Variants in PIGL observed in about 807,000 individuals in gnomAD.
The protein encoded by PIGL is phosphatidylinositol glycan anchor biosynthesis class L.
Under a neutral mutation model 31.1 loss-of-function variants are expected in PIGL, and 22 were observed. That is an observed-to-expected ratio of 0.71 (90% confidence interval 0.51 to 1.01). The LOEUF (loss-of-function observed/expected upper bound fraction) is 1.01, where lower values mean the gene tolerates loss of function less well. PIGL is among the 50% of genes least tolerant of loss of function. The pLI is 0.00. For synonymous variants in PIGL, 131 were observed against 117.4 expected (o/e 1.12, Z -0.75); for missense variants, 302 against 315.9 (o/e 0.96, Z 0.33).
At chr17:16,315,708 C>CTTTTTTTTTTTTTTTTTTTTTTTTTT (rs1157169209) in intron 4 of PIGL, among the ~76,000 whole-genome samples, 6 of 58,990 alleles carry the variant, frequency 1.0e-4, no homozygotes, top group Non-Finnish European at 1.7e-4. Context: ...TTCTTTCTTT[C>CTTTTTTTTTTTTTTTTTTTTTTTTTT]TTTTTTTTTT....
In PIGL at chr17:16,326,152, T is replaced by C. The variant is rs144070256; in HGVS notation, c.*254T>C. The C allele has an allele frequency of 9.4e-3, 4,335 of 459,844 alleles. 41 individuals are homozygous for C. Among genetic ancestry groups the C allele is most frequent in the Non-Finnish European group, 0.013 (3,458 of 258,656 alleles). 28.5% of individuals were successfully genotyped at this position (459,844 alleles called of 1,614,324 possible). ...ACACTGCTAGCTTCTCAAGTTCTTG[T>C]GAAAAACAATTTACATAATGACACA... On this transcript the variant is annotated 3_prime_UTR_variant, in exon 7 of 7. Transcript: ENST00000225609.
chr17:16,265,465 A>G (rs1337357217), intron 2 of PIGL, among the ~76,000 whole-genome samples: 4 of 152,146 alleles, frequency 2.6e-5, no homozygotes, highest in Admixed American at 1.3e-4. Context: ...AAACCAGACC[A>G]GGCGCGGTGG....
At chr17:16,309,422 T>C (rs367663443) in intron 3 of PIGL, among the ~76,000 whole-genome samples, 5 of 152,270 alleles carry the variant, frequency 3.3e-5, no homozygotes, top group African/African-American at 1.2e-4. Context: ...AGTTCTTACT[T>C]GGATTCCATT....
chr17:16,263,035 A>G (rs1318141883), intron 2 of PIGL, among the ~76,000 whole-genome samples: 1 of 147,830 alleles, frequency 6.8e-6, no homozygotes, highest in Non-Finnish European at 1.5e-5. Flanking sequence ...AGAGTATATA[A>G]GTGTTTGCCA....
intron 2 of PIGL, among the ~76,000 whole-genome samples, chr17:16,238,153 G>T (rs1471187657): frequency 7.0e-6 from 1 of 143,498 alleles, no homozygotes; most frequent in Admixed American, 7.3e-5. Flanking sequence ...CCGAGATCGC[G>T]CCATTGCACT....
intron 2 of PIGL, among the ~76,000 whole-genome samples, chr17:16,270,742 C>A (rs1223424801): frequency 6.6e-6 from 1 of 151,724 alleles, no homozygotes; most frequent in African/African-American, 2.4e-5. Context: ...ACTAAAAATA[C>A]AAAAATTAGC....
chr17:16,232,314 A>G (rs76200576), intron 1 of PIGL, among the ~76,000 whole-genome samples: 5,363 of 152,192 alleles, frequency 0.035, 134 homozygotes, highest in Non-Finnish European at 0.053. Flanking sequence ...AGGGGGAGAC[A>G]TCCTAATGCT....
At chr17:16,324,394 T>A (rs1201042329) in intron 6 of PIGL, 1 of 152,138 alleles carries the variant, frequency 6.6e-6, no homozygotes, top group Non-Finnish European at 1.5e-5. Context: ...GCAGTGGCGA[T>A]CTCGGTTCAC....
At chr17:16,307,645 G>C (rs907454925) in intron 3 of PIGL, among the ~76,000 whole-genome samples, 3 of 151,886 alleles carry the variant, frequency 2.0e-5, no homozygotes, top group Admixed American at 6.6e-5. Flanking sequence ...GTCATTAGCT[G>C]TTATTACAGC....
intron 3 of PIGL, among the ~76,000 whole-genome samples, chr17:16,304,248 C>A (rs970733892): frequency 7.9e-5 from 12 of 152,220 alleles, no homozygotes; most frequent in African/African-American, 2.7e-4. Context: ...CACAGAAGCA[C>A]AGACAGAGGT....
intron 2 of PIGL, among the ~76,000 whole-genome samples, chr17:16,283,550 G>A (rs1032523389): frequency 1.3e-5 from 2 of 152,136 alleles, no homozygotes; most frequent in African/African-American, 2.4e-5. Context: ...GCCAGGTGCC[G>A]TGGCTCACAC....
At chr17:16,266,428 C>T (rs562961566) in intron 2 of PIGL, among the ~76,000 whole-genome samples, 1 of 147,694 alleles carries the variant, frequency 6.8e-6, no homozygotes, top group South Asian at 2.2e-4. Flanking sequence ...TCTTCTATTA[C>T]TTCATTTATT....
At chr17:16,259,611 A>G (rs1233859622) in intron 2 of PIGL, among the ~76,000 whole-genome samples, 8 of 152,216 alleles carry the variant, frequency 5.3e-5, no homozygotes, top group Admixed American at 5.2e-4. Context: ...ATAAAGACTA[A>G]AACTATAAAA....
chr17:16,255,513 G>A (rs965696846), intron 2 of PIGL, among the ~76,000 whole-genome samples: 1 of 152,162 alleles, frequency 6.6e-6, no homozygotes, highest in Non-Finnish European at 1.5e-5. Context: ...GCAGTTCCTG[G>A]AAGTCACTGT....
At chr17:16,260,712 G>A (rs2092815744) in intron 2 of PIGL, among the ~76,000 whole-genome samples, 1 of 152,118 alleles carries the variant, frequency 6.6e-6, no homozygotes, top group Admixed American at 6.6e-5. Flanking sequence ...CCTGAGAATG[G>A]TTCTGCCTCT....
intron 2 of PIGL, among the ~76,000 whole-genome samples, chr17:16,291,500 C>A (rs2092960139): frequency 9.4e-6 from 1 of 106,842 alleles, no homozygotes; most frequent in Non-Finnish European, 1.9e-5. Context: ...GAGCGAGACT[C>A]TGGCTCAAAA....
At chr17:16,315,499 G>T (rs983171365) in intron 4 of PIGL, among the ~76,000 whole-genome samples, 1 of 151,760 alleles carries the variant, frequency 6.6e-6, no homozygotes, top group Admixed American at 6.6e-5. Context: ...CTGTCCCCAG[G>T]GCTCACTCCC....
At chr17:16,228,678 A>T (rs191168078) in intron 1 of PIGL, among the ~76,000 whole-genome samples, 1 of 152,198 alleles carries the variant, frequency 6.6e-6, no homozygotes, top group African/African-American at 2.4e-5. Context: ...GTAAGCCACC[A>T]CGCCCGGCGA....
At chr17:16,300,345 C>CT (rs1196252054) in intron 3 of PIGL, among the ~76,000 whole-genome samples, 11 of 152,122 alleles carry the variant, frequency 7.2e-5, no homozygotes, top group African/African-American at 2.7e-4. Context: ...TTGACCTCAC[C>CT]TTTTACCAAG....
Sources: allele counts gnomAD v4.1 joint callset (sites outside exome capture counted in the v4.1 genomes callset), GRCh38; gene constraint gnomAD v4.1.1; transcripts MANE v1.5; gene names NCBI Gene and HGNC (gene_info 2026-07-23, HGNC 2026-07-21).